Variants in SLC4A4 observed in about 807,000 individuals in gnomAD.
SLC4A4 encodes electrogenic sodium bicarbonate cotransporter 1.
Under a neutral mutation model 111.5 loss-of-function variants are expected in SLC4A4, and 27 were observed. The observed-to-expected ratio is 0.24, with a 90% CI of 0.18 to 0.33. SLC4A4 has a LOEUF of 0.33. Ranked by LOEUF, SLC4A4 falls within the 10% of genes least tolerant of loss-of-function variation. The pLI is 1.00. For synonymous variants in SLC4A4, 443 were observed against 463.4 expected, an observed-to-expected ratio of 0.96 and a Z score of 0.57; for missense variants, 909 against 1,315.5, an observed-to-expected ratio of 0.69 and a Z score of 4.78.
At chr4:71,448,993 A>G (rs1349178955) in intron 9 of SLC4A4, among the ~76,000 whole-genome samples, 3 of 152,190 alleles carry the variant, frequency 2.0e-5, no homozygotes, top group Non-Finnish European at 4.4e-5. Flanking sequence ...CTGTTTTAAA[A>G]AATACTTTCT....
chr4:71,517,169 T>C (rs1235411220), intron 16 of SLC4A4, among the ~76,000 whole-genome samples: 2 of 152,148 alleles, frequency 1.3e-5, no homozygotes, highest in East Asian at 3.9e-4. Flanking sequence ...TATTATTTCT[T>C]TAAATAAACT....
intron 12 of SLC4A4, among the ~76,000 whole-genome samples, chr4:71,457,007 A>G (rs1363441387): frequency 5.3e-5 from 8 of 152,172 alleles, no homozygotes; most frequent in African/African-American, 1.4e-4. Context: ...AAAGGCAGAC[A>G]GCTCAGAGAT....
At chr4:71,422,601 A>C (rs1037337634) in intron 7 of SLC4A4, among the ~76,000 whole-genome samples, 4 of 152,132 alleles carry the variant, frequency 2.6e-5, no homozygotes, top group African/African-American at 4.8e-5. Flanking sequence ...AAATACTGGC[A>C]AACCAAATCC....
chr4:71,333,122 A>G (rs1023701912), intron 3 of SLC4A4, among the ~76,000 whole-genome samples: 3 of 152,210 alleles, frequency 2.0e-5, no homozygotes, highest in African/African-American at 7.2e-5. Flanking sequence ...TATTTATTGT[A>G]GTCTTTACAG....
At chr4:71,276,230 A>C (rs984632602) in intron 3 of SLC4A4, among the ~76,000 whole-genome samples, 1 of 152,190 alleles carries the variant, frequency 6.6e-6, no homozygotes, top group African/African-American at 2.4e-5. Flanking sequence ...CCTTCAGTCC[A>C]TTTCCCCAAT....
At chr4:71,496,810 A>G (rs1191117390) in intron 15 of SLC4A4, among the ~76,000 whole-genome samples, 1 of 152,126 alleles carries the variant, frequency 6.6e-6, no homozygotes, top group African/African-American at 2.4e-5. Context: ...TAACATGGAG[A>G]TGGATATTCC....
chr4:71,294,739 G>A (rs914776563), intron 3 of SLC4A4, among the ~76,000 whole-genome samples: 1 of 152,198 alleles, frequency 6.6e-6, no homozygotes, highest in African/African-American at 2.4e-5. Context: ...CTACTTTACT[G>A]TGGGTCCTCT....
intron 7 of SLC4A4, chr4:71,436,863 A>G: frequency 5.4e-6 from 1 of 183,696 alleles, no homozygotes; most frequent in South Asian, 9.7e-5. Context: ...TGACAGTGTC[A>G]TGTCATTAAA....
intron 2 of SLC4A4, among the ~76,000 whole-genome samples, chr4:71,127,648 T>C (rs1743594475): frequency 6.6e-6 from 1 of 152,204 alleles, no homozygotes; most frequent in Non-Finnish European, 1.5e-5. Flanking sequence ...TAAATAAAGA[T>C]ATTTAAAATA....
At chr4:71,528,982 A>G (rs964326243) in intron 16 of SLC4A4, among the ~76,000 whole-genome samples, 1 of 152,102 alleles carries the variant, frequency 6.6e-6, no homozygotes, top group Admixed American at 6.6e-5. Context: ...CAATGAACAT[A>G]TATTAATTTT....
chr4:71,389,042 G>C (rs1719022314), intron 6 of SLC4A4, among the ~76,000 whole-genome samples: 1 of 152,132 alleles, frequency 6.6e-6, no homozygotes, highest in African/African-American at 2.4e-5. Context: ...CCAGAGAGTA[G>C]TCAGAAAATT....
intron 19 of SLC4A4, among the ~76,000 whole-genome samples, chr4:71,547,401 A>C (rs1351605897): frequency 6.6e-6 from 1 of 152,020 alleles, no homozygotes; most frequent in East Asian, 1.9e-4. Flanking sequence ...AAAGGAGCAA[A>C]AAATTTAGCA....
At chr4:71,103,843 A>C (rs1742834235) in intron 2 of SLC4A4, among the ~76,000 whole-genome samples, 1 of 149,042 alleles carries the variant, frequency 6.7e-6, no homozygotes, top group African/African-American at 2.5e-5. Context: ...TTGACACCCT[A>C]ACATCACAAT....
intron 2 of SLC4A4, among the ~76,000 whole-genome samples, chr4:71,134,805 G>C (rs1357658657): frequency 6.6e-6 from 1 of 152,196 alleles, no homozygotes; most frequent in African/African-American, 2.4e-5. Context: ...GTGGACCCCA[G>C]TCCTACTTCT....
chr4:71,243,993 G>A (rs1720442554), intron 2 of SLC4A4, among the ~76,000 whole-genome samples: 1 of 152,114 alleles, frequency 6.6e-6, no homozygotes, highest in African/African-American at 2.4e-5. Flanking sequence ...ACATTGGCCA[G>A]TATATCAGCT....
intron 6 of SLC4A4, among the ~76,000 whole-genome samples, chr4:71,392,820 T>C (rs984851761): frequency 6.6e-6 from 1 of 152,030 alleles, no homozygotes; most frequent in Non-Finnish European, 1.5e-5. Flanking sequence ...TCCACCATGA[T>C]CAAGTGGGTT....
At chr4:71,230,507 T>A (rs1719346313) in intron 1 of SLC4A4, among the ~76,000 whole-genome samples, 1 of 152,164 alleles carries the variant, frequency 6.6e-6, no homozygotes, top group African/African-American at 2.4e-5. Context: ...GATTATGGGG[T>A]TCACCGGATG....
At chr4:71,192,778 T>C (rs1399747904) in intron 1 of SLC4A4, among the ~76,000 whole-genome samples, 1 of 152,200 alleles carries the variant, frequency 6.6e-6, no homozygotes, top group African/African-American at 2.4e-5. Context: ...AGTGAACATG[T>C]CCATATAACC....
intron 18 of SLC4A4, 43 bp downstream of exon 18, chr4:71,534,431 T>C (rs1385354622): frequency 6.3e-7 from 1 of 1,586,450 alleles, no homozygotes; most frequent in Admixed American, 1.7e-5. Context: ...TCTACTTTCT[T>C]TTTAGTACTT....
Sources: gnomAD v4.1 joint callset for allele counts (sites outside exome capture counted in the v4.1 genomes callset) on GRCh38, gnomAD v4.1.1 for gene constraint, MANE v1.5 for transcripts, NCBI Gene and HGNC (gene_info 2026-07-23, HGNC 2026-07-21) for gene names.